Variants in ELAVL4 observed in about 807,000 individuals in gnomAD.
The protein encoded by ELAVL4 is ELAV like RNA binding protein 4.
Under a neutral mutation model 35.6 loss-of-function variants are expected in ELAVL4, and 1 was observed. The observed-to-expected ratio is 0.03, with a 90% CI of 0.01 to 0.13. ELAVL4 has a LOEUF of 0.13. Ranked by LOEUF, ELAVL4 falls within the 10% of genes least tolerant of loss-of-function variation. The pLI, the probability that ELAVL4 is intolerant of heterozygous loss-of-function variation, is 1.00. For missense variants in ELAVL4, 267 were observed against 464.9 expected (o/e 0.57, Z 3.91); for synonymous variants, 156 against 171.0 (o/e 0.91, Z 0.69).
intron 1 of ELAVL4, among the ~76,000 whole-genome samples, chr1:50,075,386 T>C (rs1040963984): frequency 2.0e-5 from 3 of 152,228 alleles, no homozygotes; most frequent in Non-Finnish European, 2.9e-5. Context: ...AGCTCCTGTA[T>C]ACCCATCACA....
chr1:50,058,660 C>A (rs890999563), intron 1 of ELAVL4, among the ~76,000 whole-genome samples: 3 of 151,174 alleles, frequency 2.0e-5, no homozygotes, highest in African/African-American at 7.3e-5. Flanking sequence ...GTCACCCAGG[C>A]TAGAGTACAG....
At chr1:50,147,972 A>C (rs1040022228) in intron 2 of ELAVL4, among the ~76,000 whole-genome samples, 3 of 152,198 alleles carry the variant, frequency 2.0e-5, no homozygotes, top group African/African-American at 7.2e-5. Context: ...CCTGGCTGTG[A>C]ATTGTCAATG....
chr1:50,183,325 A>G (rs913425214), intron 3 of ELAVL4, among the ~76,000 whole-genome samples: 1 of 152,154 alleles, frequency 6.6e-6, no homozygotes, highest in African/African-American at 2.4e-5. Flanking sequence ...ATCTGGGATG[A>G]AGGGGTAAAA....
Position 50,050,881 on chromosome 1 carries a change from T to G in ELAVL4, c.18+2699T>G, listed in dbSNP as rs369112835. Among the ~76,000 whole-genome samples, 108 of 152,312 alleles carry G rather than the reference T, an allele frequency of 7.1e-4. 1 individual carries two copies. In the South Asian group the frequency reaches 0.021, roughly 30 times the overall value. On this transcript the variant is annotated intron_variant, in intron 1 of 6. Coordinates refer to the ELAVL4 transcript ENST00000448907. Reference sequence around the variant, plus strand: ...TGCATTGTTTTAGCTAAGTGAAATATGTAAAGTGTGTTTAGCACAGTACCA... The same window carrying G: ...TGCATTGTTTTAGCTAAGTGAAATAGGTAAAGTGTGTTTAGCACAGTACCA...
upstream of ELAVL4, among the ~76,000 whole-genome samples, chr1:50,099,417 G>C (rs544306821): frequency 1.3e-5 from 2 of 151,854 alleles, no homozygotes; most frequent in African/African-American, 4.8e-5. Flanking sequence ...AAAATTAGCC[G>C]GGCATGGTGG....
chr1:50,115,688 A>G (rs1042088674), intron 1 of ELAVL4, among the ~76,000 whole-genome samples: 3 of 152,134 alleles, frequency 2.0e-5, no homozygotes, highest in Non-Finnish European at 4.4e-5. Context: ...TGCACTTCGT[A>G]GCATTGAATC....
In ELAVL4 at chr1:50,073,432, AT is replaced by A. The variant is rs201813229; in HGVS notation, c.18+25260del. ...TAATACAGGCAAAAATGCTTCATTG[AT>A]TTTTTTTTTAAAGCAAAGTAATAAA... On this transcript the variant is annotated intron_variant, in intron 1 of 6. Coordinates refer to the ELAVL4 transcript ENST00000448907. Among the ~76,000 whole-genome samples the A allele has an allele frequency of 8.6e-3, 1,297 of 150,312 alleles. 50 individuals carry two copies. The highest frequency in any genetic ancestry group is 0.06 in the Admixed American group (904 of 15,060).
At chr1:50,193,990 G>A (rs1683064931) in intron 4 of ELAVL4, 72 bp downstream of exon 4, 2 of 1,549,668 alleles carry the variant, frequency 1.3e-6, no homozygotes, top group South Asian at 2.4e-5. Flanking sequence ...AAGAGCAGAA[G>A]GCTGATGGCT....
intron 1 of ELAVL4, among the ~76,000 whole-genome samples, chr1:50,085,890 T>A (rs941866139): frequency 3.9e-5 from 6 of 152,312 alleles, no homozygotes; most frequent in African/African-American, 1.4e-4. Flanking sequence ...TGCAGAGATA[T>A]CCCCTTAGCA....
upstream of ELAVL4, among the ~76,000 whole-genome samples, chr1:50,102,129 T>C (rs1162302656): frequency 6.6e-6 from 1 of 151,618 alleles, no homozygotes; most frequent in Non-Finnish European, 1.5e-5. Context: ...CTACTAAAAA[T>C]ACAAAAAATT....
In ELAVL4 at chr1:50,176,518, C is replaced by T. The variant is rs547777987; in HGVS notation, c.251-571C>T. On this transcript the variant is annotated intron_variant, in intron 2 of 6. Transcript: ENST00000371824. ...CAGCACTTGCCTCAATTTTACAGGC[C>T]TGAGCAGAGCATAGCTGTCTTTTGT... Among the ~76,000 whole-genome samples the T allele has an allele frequency of 3.1e-4, 47 of 152,290 alleles. 1 individual carries two copies. In the South Asian group the frequency reaches 9.7e-3, roughly 32 times the overall value.
intron 1 of ELAVL4, among the ~76,000 whole-genome samples, chr1:50,094,047 T>A (rs965153778): frequency 1.3e-5 from 2 of 152,210 alleles, no homozygotes; most frequent in Admixed American, 6.5e-5. Flanking sequence ...AAATGCTCAA[T>A]AGATAGCAGT....
chr1:50,076,759 G>C (rs1390143489), intron 1 of ELAVL4, among the ~76,000 whole-genome samples: 1 of 152,104 alleles, frequency 6.6e-6, no homozygotes, highest in Non-Finnish European at 1.5e-5. Context: ...AAAGAGAGAG[G>C]GGGAGGGGAA....
At chr1:50,059,618 C>A (rs1191976556) in intron 1 of ELAVL4, among the ~76,000 whole-genome samples, 7 of 151,494 alleles carry the variant, frequency 4.6e-5, no homozygotes, top group African/African-American at 1.7e-4. Context: ...GGCATATATA[C>A]CCAAAGGAAT....
chr1:50,066,570 A>G (rs760339482), intron 1 of ELAVL4, among the ~76,000 whole-genome samples: 2 of 152,204 alleles, frequency 1.3e-5, no homozygotes, highest in African/African-American at 2.4e-5. Context: ...GCACGTCCAG[A>G]TGCATAACCA....
intron 1 of ELAVL4, among the ~76,000 whole-genome samples, chr1:50,097,243 T>C (rs537459537): frequency 6.6e-6 from 1 of 151,888 alleles, no homozygotes; most frequent in South Asian, 2.1e-4. Context: ...AAACAAAACC[T>C]CTCGTGACCA....
chr1:50,053,029 G>A (rs1663469393), intron 1 of ELAVL4, among the ~76,000 whole-genome samples: 1 of 152,106 alleles, frequency 6.6e-6, no homozygotes, highest in Non-Finnish European at 1.5e-5. Flanking sequence ...TAATAACAGA[G>A]TTTACAGTTA....
chr1:50,199,884 G>T (rs1469416760), intron 6 of ELAVL4, among the ~76,000 whole-genome samples: 1 of 152,092 alleles, frequency 6.6e-6, no homozygotes, highest in Non-Finnish European at 1.5e-5. Flanking sequence ...ACAGTGAATA[G>T]AATTTAAAGG....
At chr1:50,055,973 C>T (rs1257635879) in intron 1 of ELAVL4, among the ~76,000 whole-genome samples, 1 of 152,148 alleles carries the variant, frequency 6.6e-6, no homozygotes, top group Non-Finnish European at 1.5e-5. Flanking sequence ...TTGAGTAGGA[C>T]TCTGTATAAC....
Sources: gnomAD v4.1 joint callset for allele counts (sites outside exome capture counted in the v4.1 genomes callset) on GRCh38, gnomAD v4.1.1 for gene constraint, MANE v1.5 for transcripts, NCBI Gene and HGNC (gene_info 2026-07-23, HGNC 2026-07-21) for gene names.